IGFL2: variants seen among roughly 807,000 people sequenced by gnomAD.
The protein encoded by IGFL2 is insulin growth factor-like family member 2.
IGFL2 carries 7 observed loss-of-function variants against 13.9 expected under a neutral mutation model. The ratio of observed to expected loss-of-function variants is 0.51; its 90% confidence interval spans 0.29 to 0.95. The LOEUF is 0.95. Ranked by LOEUF, IGFL2 falls within the 40% of genes least tolerant of loss-of-function variation. The pLI, the probability that IGFL2 is intolerant of heterozygous loss-of-function variation, is 0.08. For missense variants in IGFL2, 138 were observed against 147.8 expected, an observed-to-expected ratio of 0.93 and a Z score of 0.34; for synonymous variants, 55 against 55.8, an observed-to-expected ratio of 0.99 and a Z score of 0.07.
At chr19:46,145,596 ATATATGTGTGTGTGTG>A (rs1973082839), upstream of IGFL2, among the ~76,000 whole-genome samples, 1 of 58,528 alleles carries the variant, frequency 1.7e-5, no homozygotes, top group African/African-American at 6.1e-5. Flanking sequence ...ACACACTCAT[ATATATGTGTGTGTGTG>A]TGTGTGTGTG....
the IGFL2 span, among the ~76,000 whole-genome samples, chr19:46,110,682 G>A: frequency 6.6e-6 from 1 of 152,044 alleles, no homozygotes; most frequent in African/African-American, 2.4e-5. Flanking sequence ...GTTTACTGTA[G>A]GTGTTTGTTT....
the IGFL2 span, among the ~76,000 whole-genome samples, chr19:46,135,997 C>T: frequency 3.3e-5 from 5 of 152,160 alleles, no homozygotes; most frequent in African/African-American, 1.2e-4. Flanking sequence ...GGAGACCTTC[C>T]CCTACTTTCT....
intron 3 of IGFL2, 81 bp from the exon 4 acceptor site, chr19:46,160,989 T>C: frequency 6.5e-7 from 1 of 1,541,472 alleles, no homozygotes; most frequent in Non-Finnish European, 8.9e-7. Flanking sequence ...CCCTGTAGTC[T>C]AATCTCTAGC....
the IGFL2 span, chr19:46,179,350 G>T: frequency 2.0e-5 from 3 of 151,812 alleles, no homozygotes; most frequent in Non-Finnish European, 2.8e-5. Flanking sequence ...ATAGGGTGGG[G>T]GGGGTCTGTG....
chr19:46,137,184 C>T, the IGFL2 span: 5 of 1,596,528 alleles, frequency 3.1e-6, no homozygotes, highest in South Asian at 2.2e-5. Flanking sequence ...ATGCCCATCA[C>T]AAACTTCACA....
chr19:46,205,936 G>C, the IGFL2 span, among the ~76,000 whole-genome samples: 10 of 152,168 alleles, frequency 6.6e-5, no homozygotes, highest in Admixed American at 6.5e-4. Context: ...CACATGGTGT[G>C]CCCAGATGTG....
the IGFL2 span, among the ~76,000 whole-genome samples, chr19:46,107,655 G>A: frequency 1.3e-5 from 2 of 152,176 alleles, no homozygotes; most frequent in East Asian, 3.8e-4. Context: ...GTTGGCACTT[G>A]GCTGCCTCTT....
downstream of IGFL2, among the ~76,000 whole-genome samples, chr19:46,165,452 G>T (rs1237891437): frequency 6.6e-6 from 1 of 152,246 alleles, no homozygotes; most frequent in Admixed American, 6.5e-5. Context: ...AGAAACCAAA[G>T]TCTGGGAATG....
chr19:46,092,840 T>C, the IGFL2 span, among the ~76,000 whole-genome samples: 7 of 152,252 alleles, frequency 4.6e-5, no homozygotes, highest in African/African-American at 1.4e-4. Flanking sequence ...ATCTAAGTTA[T>C]AATGTAGTTG....
chr19:46,151,753 A>C (rs1427936022), intron 1 of IGFL2, among the ~76,000 whole-genome samples: 3 of 152,156 alleles, frequency 2.0e-5, no homozygotes, highest in African/African-American at 7.2e-5. Context: ...TCTACCAAAA[A>C]ATGCAAAAAA....
chr19:46,185,191 C>T, the IGFL2 span, among the ~76,000 whole-genome samples: 1 of 152,152 alleles, frequency 6.6e-6, no homozygotes, highest in Non-Finnish European at 1.5e-5. Context: ...TTCTCCCACT[C>T]TGTAGGTTGT....
downstream of IGFL2, among the ~76,000 whole-genome samples, chr19:46,161,708 C>T (rs921890579): frequency 6.6e-6 from 1 of 152,048 alleles, no homozygotes; most frequent in Non-Finnish European, 1.5e-5. Flanking sequence ...CCTATGAGTG[C>T]CATTAAGTGT....
the IGFL2 span, among the ~76,000 whole-genome samples, chr19:46,109,125 G>A: frequency 4.6e-4 from 70 of 152,264 alleles, no homozygotes; most frequent in African/African-American, 1.6e-3. Flanking sequence ...AACAGGCTTT[G>A]TGTGAGCAAT....
chr19:46,154,253 C>T (rs1973683622), intron 1 of IGFL2, among the ~76,000 whole-genome samples: 1 of 152,124 alleles, frequency 6.6e-6, no homozygotes, highest in Non-Finnish European at 1.5e-5. Context: ...ATCTGTTAGA[C>T]TCCTCTAATT....
the IGFL2 span, among the ~76,000 whole-genome samples, chr19:46,115,442 G>A: frequency 7.9e-5 from 12 of 152,282 alleles, no homozygotes; most frequent in Admixed American, 4.6e-4. Context: ...GAAATGCAGC[G>A]AATCACTGGA....
the IGFL2 span, among the ~76,000 whole-genome samples, chr19:46,119,308 G>A: frequency 1.3e-5 from 2 of 152,130 alleles, no homozygotes; most frequent in African/African-American, 4.8e-5. Flanking sequence ...CACCAACATG[G>A]AGGGCTTGGG....
At chr19:46,098,948 A>G in the IGFL2 span, among the ~76,000 whole-genome samples, 2,874 of 152,298 alleles carry the variant, frequency 0.019, 36 homozygotes, top group Non-Finnish European at 0.029. Flanking sequence ...ATGTCTTTGC[A>G]GTGGCTGATA....
chr19:46,121,407 A>AAG, the IGFL2 span, among the ~76,000 whole-genome samples: 2 of 148,694 alleles, frequency 1.3e-5, no homozygotes, highest in Admixed American at 1.3e-4. Flanking sequence ...AAAAAAAAAA[A>AAG]AAGAAGAAGA....
At chr19:46,182,970 C>G in the IGFL2 span, among the ~76,000 whole-genome samples, 2 of 152,016 alleles carry the variant, frequency 1.3e-5, no homozygotes, top group Non-Finnish European at 2.9e-5. Context: ...CCACTTCTCC[C>G]CATCTCTCCC....
Sources: allele counts gnomAD v4.1 joint callset (sites outside exome capture counted in the v4.1 genomes callset), GRCh38; gene constraint gnomAD v4.1.1; transcripts MANE v1.5; gene names NCBI Gene and HGNC (gene_info 2026-07-23, HGNC 2026-07-21).